The following REC114 variants were observed in gnomAD, a reference collection of about 807,000 sequenced individuals.
REC114 encodes the protein meiotic recombination protein REC114.
In REC114, 27 loss-of-function variants were observed where a neutral mutation model predicts 31.3. That is an observed-to-expected ratio of 0.86 (90% CI 0.64 to 1.19). The LOEUF (loss-of-function observed/expected upper bound fraction) is 1.19. Ranked by LOEUF, REC114 falls within the 50% of genes most tolerant of loss-of-function variation. The probability of loss-of-function intolerance (pLI) is 0.00; values close to 1 mark genes in which losing one functional copy is unlikely to be tolerated. For missense variants in REC114, 344 were observed against 326.9 expected (o/e 1.05, Z -0.40); for synonymous variants, 134 against 127.7 (o/e 1.05, Z -0.33).
At chr15:73,486,084 A>G (rs187880909) in intron 2 of REC114, among the ~76,000 whole-genome samples, 66 of 152,234 alleles carry the variant, frequency 4.3e-4, no homozygotes, top group African/African-American at 1.2e-3. Flanking sequence ...AGGCGAGGCA[A>G]TCTTCCACCA....
At chr15:73,522,929 C>T (rs1276208184) in intron 2 of REC114, among the ~76,000 whole-genome samples, 2 of 152,172 alleles carry the variant, frequency 1.3e-5, no homozygotes, top group Non-Finnish European at 2.9e-5. Flanking sequence ...TTCATATCCT[C>T]AGCAAGACTT....
rs144988687 is a variant in REC114, at chr15:73,465,883, G to A, written c.160-7949G>A. 4.8e-3 allele frequency among the ~76,000 whole-genome samples: 728 copies of A among 152,054 alleles called. 6 individuals are homozygous for A. The highest frequency in any genetic ancestry group is 0.017 in the African/African-American group (690 of 41,466). ...TTATTTTATTTTGAGACGGAGTCTC[G>A]CTCTGTCACCCAGGCTGGAGTGCAG... On this transcript the variant is annotated intron_variant, in intron 1 of 5. Coordinates refer to ENST00000331090, the MANE Select transcript of REC114 (RefSeq NM_001042367.2).
At chr15:73,539,359 C>T (rs950087911) in intron 2 of REC114, among the ~76,000 whole-genome samples, 8 of 129,950 alleles carry the variant, frequency 6.2e-5, no homozygotes, top group Admixed American at 1.8e-4. Flanking sequence ...GGCGCAATCT[C>T]GGCTCACTGC....
intron 2 of REC114, among the ~76,000 whole-genome samples, chr15:73,474,867 T>C (rs566240319): frequency 6.6e-6 from 1 of 152,226 alleles, no homozygotes; most frequent in South Asian, 2.1e-4. Flanking sequence ...ATGATTCATA[T>C]TTCCGCTTAA....
chr15:73,464,331 TAAG>T (rs1157406414), intron 1 of REC114, among the ~76,000 whole-genome samples: 1 of 152,008 alleles, frequency 6.6e-6, no homozygotes. Context: ...CATTATTTAA[TAAG>T]AAATACAGAA....
intron 2 of REC114, among the ~76,000 whole-genome samples, chr15:73,529,204 C>T (rs1894043970): frequency 6.6e-6 from 1 of 150,970 alleles, no homozygotes; most frequent in Non-Finnish European, 1.5e-5. Flanking sequence ...GTGGCGTGTT[C>T]TCAGCTCACT....
At chr15:73,484,937 A>G (rs1292741099) in intron 2 of REC114, among the ~76,000 whole-genome samples, 2 of 152,210 alleles carry the variant, frequency 1.3e-5, no homozygotes, top group African/African-American at 2.4e-5. Context: ...TGAAAATGCT[A>G]TATTCCTATT....
At chr15:73,452,901 A>G (rs1324874401) in intron 1 of REC114, among the ~76,000 whole-genome samples, 2 of 152,246 alleles carry the variant, frequency 1.3e-5, no homozygotes, top group African/African-American at 4.8e-5. Flanking sequence ...CCTATTTAAT[A>G]AATGGTGTTG....
At chr15:73,551,265 C>T in intron 4 of REC114, 115 bp downstream of exon 4, 1 of 1,052,080 alleles carries the variant, frequency 9.5e-7, no homozygotes. Flanking sequence ...TAAAAAACAT[C>T]TATGTTCGGT....
chr15:73,496,163 C>A (rs1369881431), intron 2 of REC114, among the ~76,000 whole-genome samples: 1 of 151,446 alleles, frequency 6.6e-6, no homozygotes, highest in Non-Finnish European at 1.5e-5. Context: ...ACCATCCTGG[C>A]AAACATGGTG....
Position 73,541,626 on chromosome 15 carries a change from A to T in REC114, c.333+1058A>T, listed in dbSNP as rs79784934. ...CACAGGGATCTGGAGCACACACTCC[A>T]AAATGTTCAAGAACCCCTGTTTTGT... On this transcript the variant is annotated intron_variant, in intron 3 of 5. Transcript: ENST00000331090. 5.6e-3 allele frequency among the ~76,000 whole-genome samples: 853 copies of T among 152,324 alleles called. 7 individuals are homozygous for T. The highest frequency in any genetic ancestry group is 0.02 in the African/African-American group (813 of 41,582).
chr15:73,467,024 G>T (rs1029158461), intron 1 of REC114, among the ~76,000 whole-genome samples: 6 of 152,194 alleles, frequency 3.9e-5, no homozygotes, highest in African/African-American at 1.2e-4. Context: ...AAGAAAGCCT[G>T]GTGCACTGCT....
At chr15:73,530,456 C>T (rs530025788) in intron 2 of REC114, among the ~76,000 whole-genome samples, 5 of 152,132 alleles carry the variant, frequency 3.3e-5, no homozygotes, top group South Asian at 2.1e-4. Context: ...GCGACCAGCC[C>T]GTACAACATA....
chr15:73,461,311 G>A (rs1213258316), intron 1 of REC114, among the ~76,000 whole-genome samples: 1 of 151,962 alleles, frequency 6.6e-6, no homozygotes, highest in African/African-American at 2.4e-5. Flanking sequence ...AGAGTCAGTG[G>A]GAAGGCAGTT....
At chr15:73,506,624 C>G (rs550871760) in intron 2 of REC114, among the ~76,000 whole-genome samples, 1 of 152,166 alleles carries the variant, frequency 6.6e-6, no homozygotes, top group Non-Finnish European at 1.5e-5. Flanking sequence ...TATATATGTT[C>G]ATCAACACTA....
At chr15:73,548,704 G>A (rs1419638111) in intron 3 of REC114, among the ~76,000 whole-genome samples, 1 of 152,074 alleles carries the variant, frequency 6.6e-6, no homozygotes, top group Non-Finnish European at 1.5e-5. Context: ...ATAATCAAAG[G>A]AATATAAATC....
chr15:73,465,049 G>A (rs1383999344), intron 1 of REC114, among the ~76,000 whole-genome samples: 2 of 151,932 alleles, frequency 1.3e-5, no homozygotes, highest in African/African-American at 2.4e-5. Flanking sequence ...CCACCACCAC[G>A]CCCAGCTAAT....
intron 1 of REC114, among the ~76,000 whole-genome samples, chr15:73,447,443 C>A (rs1376670969): frequency 6.6e-6 from 1 of 152,044 alleles, no homozygotes; most frequent in Non-Finnish European, 1.5e-5. Flanking sequence ...GTGGCTTATC[C>A]CTGTAATCCC....
In REC114 at chr15:73,513,760, G is replaced by A. The variant is rs1321872426; in HGVS notation, c.250-26725G>A. On this transcript the variant is annotated intron_variant, in intron 2 of 5. Coordinates refer to ENST00000331090, the MANE Select transcript of REC114 (RefSeq NM_001042367.2). Reference sequence around the variant, plus strand: ...GTGCCTCCCAGTTAGGCTGCTCGGGGGTCAGGGGTCAGGGACCCACTTGAG... The same window carrying A: ...GTGCCTCCCAGTTAGGCTGCTCGGGAGTCAGGGGTCAGGGACCCACTTGAG... Among the ~76,000 whole-genome samples, 15 of 150,350 alleles carry A rather than the reference G, an allele frequency of 1.0e-4. No individual in the cohort carries two copies. In the South Asian group the frequency reaches 3.1e-3, roughly 31 times the overall value.
Sources: gnomAD v4.1 joint callset for allele counts (sites outside exome capture counted in the v4.1 genomes callset) on GRCh38, gnomAD v4.1.1 for gene constraint, MANE v1.5 for transcripts, NCBI Gene and HGNC (gene_info 2026-07-23, HGNC 2026-07-21) for gene names.